The following N4BP3 variants were observed in gnomAD, a reference collection of about 807,000 sequenced individuals.
The protein encoded by N4BP3 is NEDD4-binding protein 3.
Under a neutral mutation model 43.8 loss-of-function variants are expected in N4BP3, and 33 were observed. The ratio of observed to expected loss-of-function variants is 0.75; its 90% confidence interval spans 0.57 to 1.01. The LOEUF is 1.01. N4BP3 is among the 50% of genes least tolerant of loss of function. The probability of loss-of-function intolerance (pLI) is 0.00; values close to 1 mark genes in which losing one functional copy is unlikely to be tolerated. For missense variants in N4BP3, 756 were observed against 744.2 expected, an observed-to-expected ratio of 1.02 and a Z score of -0.18; for synonymous variants, 326 against 321.9, an observed-to-expected ratio of 1.01 and a Z score of -0.14.
In N4BP3 at chr5:178,120,322, A is replaced by AGCCCCGG; in HGVS notation, c.486_492dup (p.Ser165ProfsTer17). On this transcript the variant is annotated frameshift_variant, in exon 3 of 5. Transcript: ENST00000274605. LOFTEE classifies it high-confidence loss of function. ...CACGCTGGCCTGCCACCCGCCCCTG[A>AGCCCCGG]GCCCCGGGCCCCGGGCCAGCCAGGC... The AGCCCCGG allele has an allele frequency of 1.2e-6, 2 of 1,607,912 alleles. No homozygotes were observed. Among genetic ancestry groups the AGCCCCGG allele is most frequent in the South Asian group, 1.1e-5 (1 of 90,832 alleles).
At chr5:178,121,441 C>A (rs760397003) in intron 4 of N4BP3, 33 bp from the exon 5 acceptor site, 3 of 1,613,810 alleles carry the variant, frequency 1.9e-6, no homozygotes, top group South Asian at 2.2e-5. Flanking sequence ...GCTCCCCACA[C>A]CCTACTTTGC....
chr5:178,120,777 G>A, intron 3 of N4BP3, 78 bp downstream of exon 3: 2 of 1,450,592 alleles, frequency 1.4e-6, no homozygotes, highest in Middle Eastern at 2.3e-4. Context: ...GCCCCAGCCA[G>A]TTCACCCACG....
chr5:178,124,371 C>T lies in N4BP3; in HGVS notation c.*2370C>T, dbSNP rs1758006610. 6.6e-6 allele frequency: 1 copy of T among 152,650 alleles called. No individual in the cohort carries two copies. The highest frequency in any genetic ancestry group is 2.4e-5 in the African/African-American group (1 of 41,456). 9.5% of individuals were successfully genotyped at this position (152,650 alleles called of 1,614,324 possible). A position where few individuals can be genotyped will look rare whatever the true frequency, so the allele number is the denominator to read the frequency against. The stretch of plus-strand genomic sequence containing the variant: ...CGTCTCGGAGCTGGATCCCCGTCAG[C>T]TCATCCAGGCTGGACAAACCAGTTC... On this transcript the variant is annotated 3_prime_UTR_variant, in exon 5 of 5. Coordinates refer to ENST00000274605, the MANE Select transcript of N4BP3 (RefSeq NM_015111.2).
Position 178,120,135 on chromosome 5 carries a change from C to T in N4BP3, c.331-43C>T, listed in dbSNP as rs1241715835. 4 of 1,526,960 alleles carry T rather than the reference C, an allele frequency of 2.6e-6. No homozygotes were observed. In the South Asian group the frequency reaches 3.9e-5, roughly 15 times the overall value. 94.6% of individuals were successfully genotyped at this position (1,526,960 alleles called of 1,614,324 possible). A position where few individuals can be genotyped will look rare whatever the true frequency, so the allele number is the denominator to read the frequency against. On this transcript the variant is annotated intron_variant, in intron 2 of 4. Transcript: ENST00000274605. ...CATCAGGAGGTAGAGCAGGCAGCTGCCCAGGTCTCACACCTGCCCTCTCTG... is the reference window on the plus strand; with the variant it reads ...CATCAGGAGGTAGAGCAGGCAGCTGTCCAGGTCTCACACCTGCCCTCTCTG...
At chr5:178,116,961 C>T (rs1393141374) in intron 1 of N4BP3, among the ~76,000 whole-genome samples, 3 of 152,146 alleles carry the variant, frequency 2.0e-5, no homozygotes, top group Admixed American at 6.5e-5. Context: ...CGGGGTCTTT[C>T]CCACTTCATT....
intron 1 of N4BP3, among the ~76,000 whole-genome samples, chr5:178,116,834 C>A (rs72817253): frequency 6.6e-6 from 1 of 152,114 alleles, no homozygotes; most frequent in Non-Finnish European, 1.5e-5. Flanking sequence ...GTGAGGTGGG[C>A]GTATTTGGCA....
At position 178,119,565 on chromosome 5, in the gene N4BP3, T is replaced by C. The variant is rs1174142008; in HGVS notation, c.-19T>C. 4 of 1,522,298 alleles carry C rather than the reference T, an allele frequency of 2.6e-6. No individual in the cohort carries two copies. The highest frequency in any genetic ancestry group is 1.8e-4 in the Middle Eastern group (1 of 5,596). The allele number at this position is 1,522,298 out of a possible 1,614,324, so 94.3% of individuals were successfully genotyped here. On this transcript the variant is annotated 5_prime_UTR_variant, in exon 2 of 5. Coordinates refer to ENST00000274605, the MANE Select transcript of N4BP3 (RefSeq NM_015111.2). ...CTCCCAATTCCCAGAAGCAGCTGCC[T>C]GTACCCTGTTGAAACTTCATGGCCA... is the stretch of plus-strand genomic sequence containing the variant.
chr5:178,114,558 A>AC (rs963150153), intron 1 of N4BP3, among the ~76,000 whole-genome samples: 1 of 151,616 alleles, frequency 6.6e-6, no homozygotes, highest in African/African-American at 2.4e-5. Flanking sequence ...CCACTGGGCC[A>AC]CCCCCCGACC....
In N4BP3 at chr5:178,126,041, A is replaced by T. The variant is rs1451731144; in HGVS notation, c.*4040A>T. 6.6e-6 allele frequency: 1 copy of T among 152,242 alleles called. No homozygotes were observed. The highest frequency in any genetic ancestry group is 2.4e-5 in the African/African-American group (1 of 41,456). 9.4% of individuals were successfully genotyped at this position (152,242 alleles called of 1,614,324 possible). A position where few individuals can be genotyped will look rare whatever the true frequency, so the allele number is the denominator to read the frequency against. On this transcript the variant is annotated 3_prime_UTR_variant, in exon 5 of 5. Transcript: ENST00000274605. ...GAATGAAGAGCCAGAAATAGATTCT[A>T]TTCTGTAGAAAATCTTACACAATAA...
In N4BP3 at chr5:178,122,659, A is replaced by G. The variant is rs1757961183; in HGVS notation, c.*658A>G. The G allele has an allele frequency of 6.6e-6, 1 of 152,174 alleles. No homozygotes were observed. The highest frequency in any genetic ancestry group is 1.5e-5 in the Non-Finnish European group (1 of 68,028). 9.4% of individuals were successfully genotyped at this position (152,174 alleles called of 1,614,324 possible). Reference sequence around the variant, plus strand: ...CACCAGTGGAGTTTTCAGAAGGAACAACACCAGGGAATGCCAAAAAAACAA... The same window carrying G: ...CACCAGTGGAGTTTTCAGAAGGAACGACACCAGGGAATGCCAAAAAAACAA... On this transcript the variant is annotated 3_prime_UTR_variant, in exon 5 of 5. Transcript: ENST00000274605.
intron 1 of N4BP3, among the ~76,000 whole-genome samples, chr5:178,116,274 G>T (rs2113285180): frequency 6.6e-6 from 1 of 152,292 alleles, no homozygotes; most frequent in South Asian, 2.1e-4. Context: ...GGGGGAGGGG[G>T]TGGAGGTAGG....
intron 1 of N4BP3, among the ~76,000 whole-genome samples, chr5:178,117,320 G>A (rs1052421828): frequency 1.3e-5 from 2 of 152,104 alleles, no homozygotes; most frequent in African/African-American, 4.8e-5. Context: ...ATCAGATGAG[G>A]AGGCAGGATG....
At chr5:178,116,286 T>A (rs1285869589) in intron 1 of N4BP3, among the ~76,000 whole-genome samples, 1 of 152,072 alleles carries the variant, frequency 6.6e-6, no homozygotes, top group Non-Finnish European at 1.5e-5. Flanking sequence ...GGAGGTAGGA[T>A]GGACCCCTTT....
chr5:178,126,594 A>C (rs948059950), downstream of N4BP3, among the ~76,000 whole-genome samples: 4 of 152,104 alleles, frequency 2.6e-5, no homozygotes, highest in African/African-American at 9.7e-5. Flanking sequence ...CTTTGAACTA[A>C]AGTATCTGAC....
chr5:178,119,809 C>T lies in N4BP3; in HGVS notation c.226C>T (p.Pro76Ser). 6.2e-7 allele frequency: 1 copy of T among 1,613,408 alleles called. No homozygotes were observed. The highest frequency in any genetic ancestry group is 8.5e-7 in the Non-Finnish European group (1 of 1,180,026). ...GAGCACCAAGAACACCAAGCGGGCC[C>T]CTCGGAACGAGCCTGCCGACTATGC... is the stretch of plus-strand genomic sequence containing the variant. ...SKSTKNTKRA[P>S]RNEPADYATL... Residue 76 changes from proline to serine, a missense_variant, in exon 2 of 5, where the codon CCT becomes TCT. Physicochemically the swap from Pro to Ser is moderately conservative, Grantham distance 74 (BLOSUM62 -1). Coordinates refer to ENST00000274605, the MANE Select transcript of N4BP3 (RefSeq NM_015111.2).
intron 1 of N4BP3, among the ~76,000 whole-genome samples, chr5:178,117,760 G>A (rs528716119): frequency 7.1e-6 from 1 of 140,826 alleles, no homozygotes; most frequent in Admixed American, 7.2e-5. Context: ...TGCAACGTGC[G>A]TTCTCAGGGG....
rs1316757374 is a variant in N4BP3 at position 178,118,990 on chromosome 5, C to G, written c.-30-564C>G. ...ATGCCATTCTCCAGCCTCAGCCTCCCGAGTAGCTGGGACTACAGGCGCCCA... is the reference window on the plus strand; with the variant it reads ...ATGCCATTCTCCAGCCTCAGCCTCCGGAGTAGCTGGGACTACAGGCGCCCA... On this transcript the variant is annotated intron_variant, in intron 1 of 4. Coordinates refer to ENST00000274605, the MANE Select transcript of N4BP3 (RefSeq NM_015111.2). The surrounding 1 kb of genome is among the most constrained non-coding windows in gnomAD (Gnocchi z 5.4). 6.6e-6 allele frequency among the ~76,000 whole-genome samples: 1 copy of G among 152,000 alleles called. No individual in the cohort carries two copies. Among genetic ancestry groups the G allele is most frequent in the Admixed American group, 6.6e-5 (1 of 15,262 alleles).
chr5:178,114,267 T>C (rs1757719011), intron 1 of N4BP3, among the ~76,000 whole-genome samples: 1 of 152,198 alleles, frequency 6.6e-6, no homozygotes, highest in Non-Finnish European at 1.5e-5. Flanking sequence ...CACCCCTGCT[T>C]TCCTGACACA....
In N4BP3 at chr5:178,125,727, C is replaced by G. The variant is rs1488397189; in HGVS notation, c.*3726C>G. On this transcript the variant is annotated 3_prime_UTR_variant, in exon 5 of 5. Coordinates refer to ENST00000274605, the MANE Select transcript of N4BP3 (RefSeq NM_015111.2). ...TCTCATGGTTTCATTTTGCTTTGGG[C>G]TTACTTAGAGTTTTGGCAAATGCAG... 6.6e-6 allele frequency: 1 copy of G among 152,308 alleles called. No individual in the cohort carries two copies. Among genetic ancestry groups the G allele is most frequent in the East Asian group, 1.9e-4 (1 of 5,190 alleles). The allele number at this position is 152,308 out of a possible 1,614,324, so 9.4% of individuals were successfully genotyped here.
Sources: gnomAD v4.1 joint callset for allele counts (sites outside exome capture counted in the v4.1 genomes callset) on GRCh38, gnomAD v4.1.1 for gene constraint, Gnocchi (gnomAD v3.1) non-coding constraint, MANE v1.5 for transcripts, NCBI Gene and HGNC (gene_info 2026-07-23, HGNC 2026-07-21) for gene names.